Variants in GPC3 observed in about 807,000 individuals in gnomAD.
GPC3 encodes glypican-3.
In GPC3, 3 loss-of-function variants were observed where a neutral mutation model predicts 34.4. The ratio of observed to expected loss-of-function variants is 0.09; its 90% CI spans 0.04 to 0.23. The LOEUF is 0.23. GPC3 is among the 10% of genes least tolerant of loss of function. GPC3 has a pLI of 1.00. For missense variants in GPC3, 351 were observed against 445.6 expected, an observed-to-expected ratio of 0.79 and a Z score of 1.91; for synonymous variants, 177 against 174.0, an observed-to-expected ratio of 1.02 and a Z score of -0.13.
intron 3 of GPC3, among the ~76,000 whole-genome samples, chrX:133,722,139 T>C (rs779682716): frequency 1.8e-5 from 2 of 111,850 alleles, no homozygotes; most frequent in South Asian, 3.8e-4. Flanking sequence ...AGCCCCTTTA[T>C]AGTCTGTAAC....
intron 6 of GPC3, among the ~76,000 whole-genome samples, chrX:133,628,314 A>T (rs151242734): frequency 2.8e-4 from 31 of 112,396 alleles, no homozygotes; most frequent in African/African-American, 9.4e-4. Flanking sequence ...ACTAGTTGAC[A>T]TCAGAATTGT....
intron 5 of GPC3, among the ~76,000 whole-genome samples, chrX:133,672,633 T>C (rs776706363): frequency 9.0e-6 from 1 of 111,485 alleles, no homozygotes; most frequent in East Asian, 2.8e-4. Context: ...AAGGACACGA[T>C]CTTTACCTGG....
rs2069287341 is a variant in GPC3, at chrX:133,536,155, G to A, written c.1712C>T (p.Ser571Leu). ...PLKLLTSMAI[S>L]VVCFFFLVH ...CACCAGGAAGAAGAAGCACACCACC[G>A]AGATGGCCATGCTGGTGAGAAGCTT... Residue 571 changes from serine (S) to leucine (L), a missense_variant, in exon 8 of 8, where the codon TCG (serine) becomes TTG (leucine). By Grantham distance (145) the Ser-to-Leu change is moderately radical. Transcript: ENST00000370818. 3 of 1,207,712 alleles carry A rather than the reference G, an allele frequency of 2.5e-6. No individual in the cohort carries two copies. Among genetic ancestry groups the A allele is most frequent in the African/African-American group, 1.7e-5 (1 of 57,588 alleles).
chrX:133,771,990 A>G (rs1307574926), intron 2 of GPC3, among the ~76,000 whole-genome samples: 1 of 111,667 alleles, frequency 9.0e-6, no homozygotes, highest in African/African-American at 3.3e-5. Context: ...ACTATAGAAC[A>G]AGACACCAGT....
intron 6 of GPC3, among the ~76,000 whole-genome samples, chrX:133,625,719 T>C (rs774851470): frequency 3.2e-4 from 35 of 109,652 alleles, no homozygotes; most frequent in Non-Finnish European, 5.5e-4. Context: ...GAATCAATAT[T>C]GTGAAAATGG....
At chrX:133,608,947 C>A (rs963160025) in intron 6 of GPC3, among the ~76,000 whole-genome samples, 1 of 111,555 alleles carries the variant, frequency 9.0e-6, no homozygotes, top group Non-Finnish European at 1.9e-5. Context: ...TTTCTCTTCC[C>A]AAATTTTAGG....
intron 6 of GPC3, among the ~76,000 whole-genome samples, chrX:133,651,729 T>G (rs1458925278): frequency 8.9e-6 from 1 of 112,102 alleles, no homozygotes; most frequent in East Asian, 2.8e-4. Flanking sequence ...AATAAGGGGC[T>G]AAGCACAAAG....
intron 2 of GPC3, among the ~76,000 whole-genome samples, chrX:133,813,148 T>A (rs2075673309): frequency 8.9e-6 from 1 of 112,539 alleles, no homozygotes; most frequent in Non-Finnish European, 1.9e-5. Context: ...CCAAATCTAT[T>A]TAAGTTTAAG....
At chrX:133,753,154 T>C (rs893389041) in intron 3 of GPC3, among the ~76,000 whole-genome samples, 2 of 112,249 alleles carry the variant, frequency 1.8e-5, no homozygotes, top group African/African-American at 6.5e-5. Context: ...ACTTACCACA[T>C]ACCAGACACG....
intron 7 of GPC3, among the ~76,000 whole-genome samples, chrX:133,593,530 G>T (rs2069877563): frequency 9.2e-6 from 1 of 108,706 alleles, no homozygotes; most frequent in African/African-American, 3.4e-5. Context: ...TAGACCAGAA[G>T]ACCCTCAGAA....
At position 133,985,388 on chromosome X, in the gene GPC3, G is replaced by T. The variant is rs745984441; in HGVS notation, c.62C>A (p.Pro21Gln). The part of the protein sequence containing the change: ...VVAMLLSLDF[P>Q]GQAQPPPPPP... ...CGGCGGCGGGGGCTGCGCCTGTCCC[G>T]GGAAGTCCAAGCTGAGCAGCATCGC... Residue 21 changes from proline to glutamine, a missense_variant, in exon 1 of 8, where the codon CCG becomes CAG. Coordinates refer to ENST00000370818, the MANE Select transcript of GPC3 (RefSeq NM_004484.4). 6.7e-6 allele frequency: 8 copies of T among 1,193,919 alleles called. No individual in the cohort carries two copies. The highest frequency in any genetic ancestry group is 1.8e-5 in the African/African-American group (1 of 57,059).
At chrX:133,913,704 T>G (rs749017652) in intron 2 of GPC3, among the ~76,000 whole-genome samples, 81 of 111,789 alleles carry the variant, frequency 7.2e-4, no homozygotes, top group Non-Finnish European at 1.4e-3. Flanking sequence ...AGGCCAACCT[T>G]GGTTGTTTCG....
intron 2 of GPC3, among the ~76,000 whole-genome samples, chrX:133,882,026 G>A (rs1284919190): frequency 8.9e-6 from 1 of 112,265 alleles, no homozygotes; most frequent in Admixed American, 9.4e-5. Context: ...TTGCTTCAAG[G>A]CAGAGGGATG....
intron 2 of GPC3, among the ~76,000 whole-genome samples, chrX:133,945,054 T>C (rs1010325710): frequency 8.9e-6 from 1 of 111,973 alleles, no homozygotes; most frequent in Non-Finnish European, 1.9e-5. Flanking sequence ...ACTACAGGTA[T>C]AGACAAGGAG....
intron 7 of GPC3, among the ~76,000 whole-genome samples, chrX:133,554,434 T>G (rs1474771628): frequency 9.0e-6 from 1 of 110,534 alleles, no homozygotes; most frequent in Non-Finnish European, 1.9e-5. Context: ...CGTCAAAGAA[T>G]TAGTATGTCA....
Position 133,863,648 on chromosome X carries a change from C to CTTTTTTTTTTTTTTTTTTTTT in GPC3, c.337+89401_337+89402insAAAAAAAAAAAAAAAAAAAAA, listed in dbSNP as rs1165193952. Among the ~76,000 whole-genome samples, 22 of 72,881 alleles carry CTTTTTTTTTTTTTTTTTTTTT rather than the reference C, an allele frequency of 3.0e-4. 8 individuals are homozygous for CTTTTTTTTTTTTTTTTTTTTT. The highest frequency in any genetic ancestry group is 1.7e-3 in the African/African-American group (20 of 11,975). 63.3% of individuals were successfully genotyped at this position (72,881 alleles called of 115,157 possible). On this transcript the variant is annotated intron_variant, in intron 2 of 7. Coordinates refer to ENST00000370818, the MANE Select transcript of GPC3 (RefSeq NM_004484.4). Reference sequence around the variant, plus strand: ...ACCCCTAGTTAACATAAAAATATTCCTTTTTTTTTTTTTTTTTTGAGACGG... The same window carrying CTTTTTTTTTTTTTTTTTTTTT: ...ACCCCTAGTTAACATAAAAATATTCCTTTTTTTTTTTTTTTTTTTTTTTTTTTTTTTTTTTTTTTGAGACGG...
At chrX:133,842,789 T>C (rs1323147002) in intron 2 of GPC3, among the ~76,000 whole-genome samples, 1 of 111,125 alleles carries the variant, frequency 9.0e-6, no homozygotes, top group Non-Finnish European at 1.9e-5. Flanking sequence ...ATGGATGGTG[T>C]GATAGCCAGC....
chrX:133,838,146 T>C (rs768268808), intron 2 of GPC3, among the ~76,000 whole-genome samples: 5 of 112,862 alleles, frequency 4.4e-5, no homozygotes. Context: ...ATTCAAAATA[T>C]GCCATTTTAA....
At chrX:133,669,099 C>T (rs1197790717) in intron 5 of GPC3, among the ~76,000 whole-genome samples, 2 of 111,459 alleles carry the variant, frequency 1.8e-5, no homozygotes, top group Admixed American at 1.9e-4. Context: ...GACAGTATGG[C>T]TATTTAATAG....
Sources: gnomAD v4.1 joint callset for allele counts (sites outside exome capture counted in the v4.1 genomes callset) on GRCh38, gnomAD v4.1.1 for gene constraint, MANE v1.5 for transcripts, NCBI Gene and HGNC (gene_info 2026-07-23, HGNC 2026-07-21) for gene names.